A4GNT: variants seen among roughly 807,000 people sequenced by gnomAD.
A4GNT encodes alpha-1,4-N-acetylglucosaminyltransferase.
A neutral mutation model predicts 8.3 loss-of-function variants in A4GNT; 6 were observed. The observed-to-expected ratio is 0.72, with a 90% CI of 0.39 to 1.42. The LOEUF is 1.42. Among genes scored for constraint, A4GNT ranks in the 40% most tolerant of loss-of-function variants. The pLI is 0.02. For synonymous variants in A4GNT, 157 were observed against 159.8 expected (o/e 0.98, Z 0.13); for missense variants, 377 against 417.0 (o/e 0.90, Z 0.84).
Position 138,131,260 on chromosome 3 carries a change from C to G in A4GNT, c.-4G>C, listed in dbSNP as rs71312568. On this transcript the variant is annotated 5_prime_UTR_variant, in exon 2 of 3. Coordinates refer to ENST00000236709, the MANE Select transcript of A4GNT (RefSeq NM_016161.3). ...AGAGCTGGAGCTCCTTCCGCATGTC[C>G]TCTTCTCTGTGCCAGCCTGCTCCTT... 1 of 1,571,096 alleles carries G rather than the reference C, an allele frequency of 6.4e-7. No homozygotes were observed. The highest frequency in any genetic ancestry group is 1.4e-5 in the African/African-American group (1 of 73,824).
At chr3:138,131,666 A>G (rs2042777679) in intron 1 of A4GNT, among the ~76,000 whole-genome samples, 1 of 152,270 alleles carries the variant, frequency 6.6e-6, no homozygotes, top group East Asian at 1.9e-4. Context: ...GACATTAAAA[A>G]TAATTAGTTA....
rs2042733946 is a variant in A4GNT at position 138,124,617 on chromosome 3, C to G, written c.670G>C (p.Gly224Arg). Residue 224 changes from glycine (G) to arginine (R), a missense_variant, in exon 3 of 3, where the codon GGC (glycine) becomes CGC (arginine). Coordinates refer to ENST00000236709, the MANE Select transcript of A4GNT (RefSeq NM_016161.3). Reference protein sequence around the residue: ...HYNSAIWGNQGPELMTRMLRV... With the variant: ...HYNSAIWGNQRPELMTRMLRV... Reference sequence around the variant, plus strand: ...AACATCCTTGTCATCAACTCAGGGCCTTGGTTGCCCCAAATGGCTGAATTA... The same window carrying G: ...AACATCCTTGTCATCAACTCAGGGCGTTGGTTGCCCCAAATGGCTGAATTA... The G allele has an allele frequency of 6.2e-7, 1 of 1,614,114 alleles. No homozygotes were observed. The highest frequency in any genetic ancestry group is 8.5e-7 in the Non-Finnish European group (1 of 1,180,060).
In A4GNT at chr3:138,124,874, T is replaced by C; in HGVS notation, c.413A>G (p.Asn138Ser). The part of the protein sequence containing the change: ...TPLFSWYNQI[N>S]ASAERNWLHI... ...GAGCCAGTTTCTCTCTGCGCTGGCG[T>C]TGATCTGCAGGAGCAGGTGCAAATC... is the stretch of plus-strand genomic sequence containing the variant. Residue 138 changes from asparagine to serine, a missense_variant, in exon 3 of 3, where the codon AAC becomes AGC. Physicochemically the swap from Asn to Ser is conservative, Grantham distance 46. Transcript: ENST00000236709. The C allele has an allele frequency of 1.9e-6, 3 of 1,609,432 alleles. No homozygotes were observed. Among genetic ancestry groups the C allele is most frequent in the East Asian group, 4.5e-5 (2 of 44,798 alleles).
chr3:138,124,591 C>T lies in A4GNT; in HGVS notation c.696G>A (p.Leu232=), dbSNP rs889333352. Residue 232 remains leucine (L), a synonymous_variant, in exon 3 of 3, where the codon TTG becomes TTA. Coordinates refer to ENST00000236709, the MANE Select transcript of A4GNT (RefSeq NM_016161.3). The part of the protein sequence containing the change: ...NQGPELMTRM[L]RVWCKLEDFQ... ...AGTCTTCAAGTTTACACCATACCCT[C>T]AACATCCTTGTCATCAACTCAGGGC... 1.9e-6 allele frequency: 3 copies of T among 1,614,256 alleles called. No homozygotes were observed. Among genetic ancestry groups the T allele is most frequent in the Admixed American group, 1.7e-5 (1 of 60,024 alleles).
In A4GNT at chr3:138,124,546, G is replaced by A; in HGVS notation, c.741C>T (p.Leu247=). 1 of 1,614,240 alleles carries A rather than the reference G, an allele frequency of 6.2e-7. No homozygotes were observed. ...KLEDFQEVSD[L]RCLNISFLHP... is the part of the protein sequence containing the mutation. ...GTAAGAAGGATATGTTCAGACACCT[G>A]AGGTCGCTCACCTCCTGGAAGTCTT... The change falls in exon 3 of 3, where the codon CTC becomes CTT. Residue 247 remains leucine, a synonymous_variant. Coordinates refer to ENST00000236709, the MANE Select transcript of A4GNT (RefSeq NM_016161.3).
chr3:138,133,096 T>A (rs938191156), upstream of A4GNT, among the ~76,000 whole-genome samples: 1 of 152,208 alleles, frequency 6.6e-6, no homozygotes, highest in Non-Finnish European at 1.5e-5. Context: ...TCACCTGTCT[T>A]GGCCATGAGC....
intron 2 of A4GNT, among the ~76,000 whole-genome samples, chr3:138,129,278 T>A (rs1192538703): frequency 2.0e-5 from 3 of 152,124 alleles, no homozygotes; most frequent in Non-Finnish European, 4.4e-5. Context: ...ATTAGGAACC[T>A]TAAGATGGGG....
chr3:138,126,699 G>A (rs1483560376), intron 2 of A4GNT, among the ~76,000 whole-genome samples: 22 of 149,472 alleles, frequency 1.5e-4, no homozygotes, highest in Non-Finnish European at 2.7e-4. Flanking sequence ...GGTGACAGGC[G>A]CCTGTAATCC....
chr3:138,126,007 A>C (rs1254341372), intron 2 of A4GNT, among the ~76,000 whole-genome samples: 6 of 152,150 alleles, frequency 3.9e-5, no homozygotes, highest in Non-Finnish European at 7.4e-5. Context: ...AGAAGAAAGG[A>C]GGGAAGTGAT....
At chr3:138,128,913 G>A (rs1194993774) in intron 2 of A4GNT, among the ~76,000 whole-genome samples, 1 of 152,016 alleles carries the variant, frequency 6.6e-6, no homozygotes, top group Non-Finnish European at 1.5e-5. Flanking sequence ...CCTCCTGATG[G>A]GTCCCAATTT....
intron 2 of A4GNT, among the ~76,000 whole-genome samples, chr3:138,128,894 G>A (rs2042761158): frequency 6.6e-6 from 1 of 152,066 alleles, no homozygotes; most frequent in African/African-American, 2.4e-5. Flanking sequence ...TCCATGAACT[G>A]CCCCACCTCC....
intron 2 of A4GNT, among the ~76,000 whole-genome samples, chr3:138,127,513 G>A (rs2042753049): frequency 6.6e-6 from 1 of 151,490 alleles, no homozygotes; most frequent in East Asian, 1.9e-4. Flanking sequence ...AGCGGAGGTT[G>A]TAGTGAGCCG....
At chr3:138,129,712 GA>G (rs1161569393) in intron 2 of A4GNT, among the ~76,000 whole-genome samples, 1 of 151,996 alleles carries the variant, frequency 6.6e-6, no homozygotes, top group South Asian at 2.1e-4. Context: ...GCCCTACACA[GA>G]AAAAAAAGTT....
chr3:138,129,712 G>GA (rs1161569393), intron 2 of A4GNT, among the ~76,000 whole-genome samples: 1 of 151,880 alleles, frequency 6.6e-6, no homozygotes, highest in Non-Finnish European at 1.5e-5. Context: ...GCCCTACACA[G>GA]AAAAAAAAGT....
chr3:138,125,884 A>G (rs2042742302), intron 2 of A4GNT, among the ~76,000 whole-genome samples: 1 of 152,214 alleles, frequency 6.6e-6, no homozygotes, highest in South Asian at 2.1e-4. Context: ...CAGTGAGCTG[A>G]AGCAGAGCTG....
In A4GNT at chr3:138,131,529, CT is replaced by C. The variant is rs576039023; in HGVS notation, c.-26-248del. ...CCTGAGTCCAAGAGTTCAAGACTAGCTTGGGCAGCATAGTGAAAATCATCAC... is the reference window on the plus strand; with the variant it reads ...CCTGAGTCCAAGAGTTCAAGACTAGCTGGGCAGCATAGTGAAAATCATCAC... On this transcript the variant is annotated intron_variant, in intron 1 of 2. Transcript: ENST00000236709. Among the ~76,000 whole-genome samples, 8 of 151,028 alleles carry C rather than the reference CT, an allele frequency of 5.3e-5. No individual in the cohort carries two copies. The South Asian group carries it at 1.7e-3, about 32-fold the overall frequency.
At chr3:138,132,763 C>T (rs2042785447), upstream of A4GNT, among the ~76,000 whole-genome samples, 1 of 152,074 alleles carries the variant, frequency 6.6e-6, no homozygotes, top group South Asian at 2.1e-4. Flanking sequence ...TTTGCAAGCA[C>T]AAAGTTTGAT....
rs1356462578 is a variant in A4GNT at position 138,124,560 on chromosome 3, C to G, written c.727G>C (p.Glu243Gln). Residue 243 changes from glutamate (E) to glutamine (Q), a missense_variant, in exon 3 of 3, where the codon GAG (glutamate) becomes CAG (glutamine). Transcript: ENST00000236709. ...TTCAGACACCTGAGGTCGCTCACCTCCTGGAAGTCTTCAAGTTTACACCAT... is the reference window on the plus strand; with the variant it reads ...TTCAGACACCTGAGGTCGCTCACCTGCTGGAAGTCTTCAAGTTTACACCAT... Reference protein sequence around the residue: ...RVWCKLEDFQEVSDLRCLNIS... With the variant: ...RVWCKLEDFQQVSDLRCLNIS... 4 of 1,614,216 alleles carry G rather than the reference C, an allele frequency of 2.5e-6. No individual in the cohort carries two copies. Among genetic ancestry groups the G allele is most frequent in the South Asian group, 1.1e-5 (1 of 91,084 alleles).
intron 2 of A4GNT, among the ~76,000 whole-genome samples, chr3:138,129,702 G>T (rs2042765225): frequency 6.6e-6 from 1 of 152,022 alleles, no homozygotes; most frequent in Admixed American, 6.5e-5. Context: ...TTACTATCTG[G>T]CCCTACACAG....
Sources: allele counts gnomAD v4.1 joint callset (sites outside exome capture counted in the v4.1 genomes callset), GRCh38; gene constraint gnomAD v4.1.1; transcripts MANE v1.5; gene names NCBI Gene and HGNC (gene_info 2026-07-23, HGNC 2026-07-21).